NFKBIB: variants seen among roughly 807,000 people sequenced by gnomAD.
NFKBIB encodes the protein NF-kappa-B inhibitor beta.
NFKBIB carries 16 observed loss-of-function variants against 32.1 expected under a neutral mutation model. The observed-to-expected ratio is 0.50, with a 90% CI of 0.34 to 0.76. The LOEUF (loss-of-function observed/expected upper bound fraction) is 0.76. NFKBIB is among the 30% of genes least tolerant of loss of function. NFKBIB has a pLI of 0.01. For missense variants in NFKBIB, 437 were observed against 514.9 expected (o/e 0.85, Z 1.46); for synonymous variants, 222 against 219.5 (o/e 1.01, Z -0.10).
rs777908799 is a variant in NFKBIB at position 38,905,099 on chromosome 19, C to T, written c.264C>T (p.Asp88=). The T allele has an allele frequency of 6.2e-7, 1 of 1,614,080 alleles. No individual in the cohort carries two copies. The highest frequency in any genetic ancestry group is 2.2e-5 in the East Asian group (1 of 44,898). Residue 88 remains aspartate (D), a synonymous_variant, in exon 2 of 6, where the codon GAC becomes GAT. Transcript: ENST00000313582. The surrounding 1 kb of genome is among the most constrained non-coding windows in gnomAD (Gnocchi z 5.5). ...LGFSAGTEYM[D]LQNDLGQTAL... Reference sequence around the variant, plus strand: ...TCTCGGCCGGCACTGAGTACATGGACCTGCAGAATGACCTAGGCCAGGTGA... The same window carrying T: ...TCTCGGCCGGCACTGAGTACATGGATCTGCAGAATGACCTAGGCCAGGTGA...
intron 4 of NFKBIB, 30 bp from the exon 5 acceptor site, chr19:38,907,369 C>A (rs755366933): frequency 1.0e-5 from 16 of 1,590,480 alleles, no homozygotes; most frequent in Non-Finnish European, 1.3e-5. Flanking sequence ...CCTCTTCGGG[C>A]CCTCTGACCT....
rs908072793 is a variant in NFKBIB, at chr19:38,905,994, C to T, written c.619+459C>T. ...CTCATCTGCCCACAGCCCTGACATCCAAGTTTCTGCTCCCCTGCCTATAAG... is the reference window on the plus strand; with the variant it reads ...CTCATCTGCCCACAGCCCTGACATCTAAGTTTCTGCTCCCCTGCCTATAAG... On this transcript the variant is annotated intron_variant, in intron 3 of 5. Coordinates refer to ENST00000313582, the MANE Select transcript of NFKBIB (RefSeq NM_002503.5). The surrounding 1 kb of genome is among the most constrained non-coding windows in gnomAD (Gnocchi z 5.5). Among the ~76,000 whole-genome samples the T allele has an allele frequency of 6.6e-6, 1 of 152,150 alleles. No individual in the cohort carries two copies. The highest frequency in any genetic ancestry group is 6.5e-5 in the Admixed American group (1 of 15,280).
chr19:38,901,831 T>G (rs961436162), intron 1 of NFKBIB, among the ~76,000 whole-genome samples: 5 of 152,094 alleles, frequency 3.3e-5, no homozygotes, highest in African/African-American at 1.2e-4. Flanking sequence ...TCTTCCCACC[T>G]TGGCCTCCCA....
At chr19:38,908,190 T>C (rs770868000) in intron 5 of NFKBIB, 174 of 993,488 alleles carry the variant, frequency 1.8e-4, no homozygotes, top group Non-Finnish European at 1.9e-4. Flanking sequence ...GCCAGCTCAG[T>C]TGCCGAAACT....
intron 5 of NFKBIB, chr19:38,907,934 C>CG: frequency 7.8e-7 from 1 of 1,285,628 alleles, no homozygotes; most frequent in Non-Finnish European, 9.9e-7. Context: ...GTGAACACAG[C>CG]GGGGGTGGGT....
chr19:38,908,112 C>T (rs1974203961), intron 5 of NFKBIB: 8 of 1,012,190 alleles, frequency 7.9e-6, no homozygotes, highest in Non-Finnish European at 9.4e-6. Flanking sequence ...CGTCCTTGGG[C>T]AAGGCGCGGT....
intron 1 of NFKBIB, among the ~76,000 whole-genome samples, chr19:38,902,037 CT>C (rs555163877): frequency 1.4e-5 from 2 of 146,258 alleles, no homozygotes; most frequent in South Asian, 4.4e-4. Context: ...GTTTTTGTTA[CT>C]TTTTTTTCAA....
chr19:38,906,212 G>A (rs962215777), intron 3 of NFKBIB, among the ~76,000 whole-genome samples: 2 of 139,866 alleles, frequency 1.4e-5, no homozygotes, highest in African/African-American at 5.6e-5. Context: ...TTGGCTCACT[G>A]CAACCTCCAC....
chr19:38,902,235 T>A (rs999562389), intron 1 of NFKBIB, among the ~76,000 whole-genome samples: 48 of 152,000 alleles, frequency 3.2e-4, no homozygotes, highest in Admixed American at 8.5e-4. Context: ...CACCTGCCAC[T>A]TCGCCTGGCT....
rs1974182197 is a variant in NFKBIB at position 38,907,634 on chromosome 19, G to T, written c.944G>T (p.Ser315Ile). 1 of 1,607,010 alleles carries T rather than the reference G, an allele frequency of 6.2e-7. No individual in the cohort carries two copies. Among genetic ancestry groups the T allele is most frequent in the African/African-American group, 1.3e-5 (1 of 74,834 alleles). ...AAATCCGGCCCCTGCAGCAGCAGTA[G>T]CGACAGCGACAGCGGAGACGAGGGC... Reference protein sequence around the residue: ...DEKSGPCSSSSDSDSGDEGDE... With the variant: ...DEKSGPCSSSIDSDSGDEGDE... The change falls in exon 5 of 6, where the codon AGC (serine) becomes ATC (isoleucine). Residue 315 changes from serine (S) to isoleucine (I), a missense_variant. Physicochemically the swap from Ser to Ile is moderately radical, Grantham distance 142 (BLOSUM62 -2). Coordinates refer to ENST00000313582, the MANE Select transcript of NFKBIB (RefSeq NM_002503.5).
At chr19:38,901,404 T>C (rs1454699666) in intron 1 of NFKBIB, among the ~76,000 whole-genome samples, 1 of 152,098 alleles carries the variant, frequency 6.6e-6, no homozygotes, top group African/African-American at 2.4e-5. Flanking sequence ...AAGTGATCCT[T>C]GCACCTCAGC....
At chr19:38,908,071 G>A (rs1035975787) in intron 5 of NFKBIB, 2 of 1,054,926 alleles carry the variant, frequency 1.9e-6, no homozygotes, top group African/African-American at 1.7e-5. Context: ...GGTGGGGAGA[G>A]ATATAGTCAG....
intron 5 of NFKBIB, chr19:38,908,412 G>A: frequency 6.3e-6 from 5 of 796,440 alleles, no homozygotes; most frequent in Non-Finnish European, 8.0e-6. Context: ...GGTGGCGCAT[G>A]CCTATAATCC....
In NFKBIB at chr19:38,900,004, T is replaced by G. The variant is rs757952537; in HGVS notation, c.-29T>G. ...CAAAGCCCAGCTACAGGCGGGCGAC[T>G]GCGGGGGGCCCCTGAGGCGGCGGGG... On this transcript the variant is annotated 5_prime_UTR_variant, in exon 1 of 6. Transcript: ENST00000313582. 9.0e-6 allele frequency: 13 copies of G among 1,443,474 alleles called. No homozygotes were observed. Among genetic ancestry groups the G allele is most frequent in the African/African-American group, 2.9e-5 (2 of 69,740 alleles). The allele number at this position is 1,443,474 out of a possible 1,614,324, so 89.4% of individuals were successfully genotyped here. A position where few individuals can be genotyped will look rare whatever the true frequency, so the allele number is the denominator to read the frequency against.
intron 1 of NFKBIB, among the ~76,000 whole-genome samples, chr19:38,902,121 C>T (rs1568412763): frequency 8.4e-6 from 1 of 119,406 alleles, no homozygotes; most frequent in African/African-American, 3.3e-5. Context: ...CGCTCTGTCA[C>T]CCAGGCTGGA....
intron 1 of NFKBIB, among the ~76,000 whole-genome samples, 170 bp downstream of exon 1, chr19:38,900,381 A>G (rs1973909712): frequency 6.6e-6 from 1 of 152,152 alleles, no homozygotes; most frequent in African/African-American, 2.4e-5. Context: ...CCAATCTTCT[A>G]TCTAGCTATG....
At chr19:38,900,238 G>C in intron 1 of NFKBIB, 27 bp downstream of exon 1, 1 of 1,566,430 alleles carries the variant, frequency 6.4e-7, no homozygotes, top group South Asian at 1.2e-5. Flanking sequence ...CTGCCAAACG[G>C]AGCCCTAGGA....
In NFKBIB at chr19:38,905,129, C is replaced by T. The variant is rs372256941; in HGVS notation, c.285+9C>T. 7.4e-5 allele frequency: 120 copies of T among 1,614,012 alleles called. No homozygotes were observed. The African/African-American group carries it at 1.1e-3, about 14-fold the overall frequency. ...AGAATGACCTAGGCCAGGTGAGCCA[C>T]GAGGGATGGTGTAGGGCTTGGGGTC... On this transcript the variant is annotated intron_variant, in intron 2 of 5. Transcript: ENST00000313582. This position sits in a 1 kb window ranked among gnomAD's most constrained non-coding sequence, Gnocchi z 5.5.
chr19:38,904,533 C>T (rs1207879944), intron 1 of NFKBIB, among the ~76,000 whole-genome samples: 1 of 152,168 alleles, frequency 6.6e-6, no homozygotes. Flanking sequence ...CAGACTCTTC[C>T]TCCATATCCA....
Sources: gnomAD v4.1 joint callset for allele counts (sites outside exome capture counted in the v4.1 genomes callset) on GRCh38, gnomAD v4.1.1 for gene constraint, Gnocchi (gnomAD v3.1) non-coding constraint, MANE v1.5 for transcripts, NCBI Gene and HGNC (gene_info 2026-07-23, HGNC 2026-07-21) for gene names.